CATSPERE: variants seen among roughly 807,000 people sequenced by gnomAD.
CATSPERE encodes the protein catsper channel auxiliary subunit epsilon.
A neutral mutation model predicts 114.1 loss-of-function variants in CATSPERE; 93 were observed. The observed-to-expected ratio is 0.81, with a 90% CI of 0.69 to 0.97. CATSPERE has a LOEUF of 0.97. CATSPERE is among the 50% of genes least tolerant of loss of function. The pLI, the probability that CATSPERE is intolerant of heterozygous loss-of-function variation, is 0.00. For missense variants in CATSPERE, 1,058 were observed against 1,131.6 expected (o/e 0.93, Z 0.93); for synonymous variants, 341 against 384.1 (o/e 0.89, Z 1.31).
intron 17 of CATSPERE, among the ~76,000 whole-genome samples, chr1:244,596,814 G>T (rs1668503939): frequency 6.6e-6 from 1 of 151,724 alleles, no homozygotes; most frequent in Admixed American, 6.6e-5. Context: ...ATTGTAATAG[G>T]CAGGGCTTGA....
chr1:244,615,313 T>C (rs890731222), intron 19 of CATSPERE, among the ~76,000 whole-genome samples: 1 of 151,576 alleles, frequency 6.6e-6, no homozygotes, highest in African/African-American at 2.4e-5. Flanking sequence ...ATTCTTTAAT[T>C]AAAGTTATAC....
intron 8 of CATSPERE, among the ~76,000 whole-genome samples, chr1:244,526,893 C>A (rs774546488): frequency 6.6e-5 from 10 of 151,980 alleles, no homozygotes; most frequent in African/African-American, 2.2e-4. Context: ...CAGCAGGTTC[C>A]GTGATGCCCC....
rs546435295 is a variant in CATSPERE at position 244,504,478 on chromosome 1, A to T, written c.429+5399A>T. 6.6e-6 allele frequency among the ~76,000 whole-genome samples: 1 copy of T among 152,302 alleles called. No homozygotes were observed. Among genetic ancestry groups the T allele is most frequent in the Admixed American group, 6.5e-5 (1 of 15,296 alleles). On this transcript the variant is annotated intron_variant, in intron 7 of 21. Transcript: ENST00000366534. This position sits in a 1 kb window ranked among gnomAD's most constrained non-coding sequence, Gnocchi z 4.1. ...ATTAATAGAAGTCCATATTTTATTC[A>T]CATTTCCTCAGCTAATGTTCATTTT...
In CATSPERE at chr1:244,624,679, G is replaced by C. The variant is rs573907975; in HGVS notation, c.2648+6993G>C. Among the ~76,000 whole-genome samples, 184 of 152,102 alleles carry C rather than the reference G, an allele frequency of 1.2e-3. 1 individual carries two copies. Among genetic ancestry groups the C allele is most frequent in the African/African-American group, 4.1e-3 (172 of 41,496 alleles). ...TAGCCGGGCATGGTGATGGGCGCCTGTAGTCCCAGCTACTTGGGAGGCTGA... is the reference window on the plus strand; with the variant it reads ...TAGCCGGGCATGGTGATGGGCGCCTCTAGTCCCAGCTACTTGGGAGGCTGA... On this transcript the variant is annotated intron_variant, in intron 20 of 21. Coordinates refer to ENST00000366534, the MANE Select transcript of CATSPERE (RefSeq NM_001130957.2).
intron 9 of CATSPERE, among the ~76,000 whole-genome samples, chr1:244,556,571 G>A (rs1436927914): frequency 6.6e-6 from 1 of 152,072 alleles, no homozygotes; most frequent in South Asian, 2.1e-4. Context: ...ACTGGAAGAA[G>A]TTATAACATG....
Position 244,499,026 on chromosome 1 carries a change from C to T in CATSPERE, c.376C>T (p.Pro126Ser). 1 of 1,612,652 alleles carries T rather than the reference C, an allele frequency of 6.2e-7. No homozygotes were observed. Among genetic ancestry groups the T allele is most frequent in the Non-Finnish European group, 8.5e-7 (1 of 1,178,808 alleles). The change falls in exon 7 of 22, where the codon CCA becomes TCA. Residue 126 changes from proline (P) to serine (S), a missense_variant. Physicochemically the swap from Pro to Ser is moderately conservative, Grantham distance 74. Around this residue, in one of 2 missense-constraint regions of CATSPERE, gnomAD observed 271 missense variants for 225.9 expected, o/e 1.20. Coordinates refer to ENST00000366534, the MANE Select transcript of CATSPERE (RefSeq NM_001130957.2). Reference sequence around the variant, plus strand: ...GCTTATCACTGTGTGGGCATATGATCCAGAAAGTGCAGATCCTGATGAGTT... The same window carrying T: ...GCTTATCACTGTGTGGGCATATGATTCAGAAAGTGCAGATCCTGATGAGTT... ...TQLITVWAYD[P>S]ESADPDELLG...
intron 19 of CATSPERE, among the ~76,000 whole-genome samples, chr1:244,614,504 T>C (rs945427774): frequency 2.0e-5 from 3 of 152,244 alleles, no homozygotes; most frequent in Admixed American, 1.3e-4. Flanking sequence ...GATCTCCTCC[T>C]TTGCTTTTTA....
rs376332297 is a variant in CATSPERE at position 244,474,100 on chromosome 1, C to T, written c.115-3441C>T. Among the ~76,000 whole-genome samples, 104 of 151,988 alleles carry T rather than the reference C, an allele frequency of 6.8e-4. No homozygotes were observed. In the South Asian group the frequency reaches 7.7e-3, roughly 11 times the overall value. On this transcript the variant is annotated intron_variant, in intron 2 of 21. Transcript: ENST00000366534. ...AGACTGGATTGCAATGGCGTGATCT[C>T]GACTCACTGCAACCTCCGACTCCCA...
intron 8 of CATSPERE, among the ~76,000 whole-genome samples, chr1:244,522,512 C>CA (rs1239736273): frequency 1.3e-5 from 2 of 151,876 alleles, no homozygotes; most frequent in African/African-American, 4.8e-5. Context: ...AATAGAGACA[C>CA]AAAAAACCAT....
At chr1:244,473,532 A>G (rs910246830) in intron 2 of CATSPERE, among the ~76,000 whole-genome samples, 1 of 152,054 alleles carries the variant, frequency 6.6e-6, no homozygotes, top group African/African-American at 2.4e-5. Flanking sequence ...AACTTTGCAA[A>G]TATTTTCTCC....
In CATSPERE at chr1:244,461,449, C is replaced by T; in HGVS notation, c.20C>T (p.Ala7Val). Residue 7 changes from alanine to valine, a missense_variant, in exon 1 of 22, where the codon GCC becomes GTC. Coordinates refer to ENST00000366534, the MANE Select transcript of CATSPERE (RefSeq NM_001130957.2). Reference sequence around the variant, plus strand: ...GGCGCCATGTCAGCCCGGGAAGTGGCCGTGCTGCTGCTGTGGCTGAGCTGC... The same window carrying T: ...GGCGCCATGTCAGCCCGGGAAGTGGTCGTGCTGCTGCTGTGGCTGAGCTGC... MSAREV[A>V]VLLLWLSCYG... is the part of the protein sequence containing the mutation. 7.2e-7 allele frequency: 1 copy of T among 1,386,416 alleles called. No individual in the cohort carries two copies. Among genetic ancestry groups the T allele is most frequent in the Non-Finnish European group, 9.4e-7 (1 of 1,061,520 alleles). 85.9% of individuals were successfully genotyped at this position (1,386,416 alleles called of 1,614,324 possible).
chr1:244,508,365 A>T (rs1264849974), intron 7 of CATSPERE, among the ~76,000 whole-genome samples: 6 of 146,352 alleles, frequency 4.1e-5, no homozygotes, highest in African/African-American at 1.5e-4. Context: ...CAGTGGCGCG[A>T]TCTTGGCTCA....
Position 244,518,589 on chromosome 1 carries a change from C to T in CATSPERE, c.430-3C>T. 5.9e-6 allele frequency: 9 copies of T among 1,515,840 alleles called. No individual in the cohort carries two copies. Among genetic ancestry groups the T allele is most frequent in the Non-Finnish European group, 8.2e-6 (9 of 1,094,110 alleles). 93.9% of individuals were successfully genotyped at this position (1,515,840 alleles called of 1,614,324 possible). On this transcript the variant is annotated splice_region_variant and splice_polypyrimidine_tract_variant and intron_variant, in intron 7 of 21. Transcript: ENST00000366534. The stretch of plus-strand genomic sequence containing the variant: ...AAAAATGAAATTTAATTTGTTTTTA[C>T]AGAATTCCATAGTACTCAGCACACA...
At chr1:244,561,255 A>C (rs1437466247) in intron 10 of CATSPERE, 110 bp downstream of exon 10, 4 of 746,336 alleles carry the variant, frequency 5.4e-6, no homozygotes, top group African/African-American at 3.5e-5. Flanking sequence ...TTGGCAGCCA[A>C]AGGTGCACTT....
At chr1:244,604,341 A>T (rs1669688066) in intron 17 of CATSPERE, among the ~76,000 whole-genome samples, 1 of 152,232 alleles carries the variant, frequency 6.6e-6, no homozygotes, top group South Asian at 2.1e-4. Flanking sequence ...AAAGAAAATA[A>T]CTTCTCAGGT....
chr1:244,533,245 T>C (rs1235354284), intron 8 of CATSPERE, among the ~76,000 whole-genome samples: 5 of 152,168 alleles, frequency 3.3e-5, no homozygotes, highest in Non-Finnish European at 7.4e-5. Flanking sequence ...TTTATTCATG[T>C]CTTTATAGGT....
chr1:244,477,751 A>G (rs1433310268), intron 3 of CATSPERE, 137 bp downstream of exon 3: 9 of 917,700 alleles, frequency 9.8e-6, no homozygotes, highest in Non-Finnish European at 1.5e-5. Flanking sequence ...AGACAAAATC[A>G]GGTCGAATAT....
chr1:244,517,483 T>TA (rs1676825204), intron 7 of CATSPERE, among the ~76,000 whole-genome samples: 2 of 151,942 alleles, frequency 1.3e-5, no homozygotes, highest in Non-Finnish European at 2.9e-5. Context: ...ATAAACATCA[T>TA]CAAATGGGCT....
At chr1:244,471,715 C>T (rs1432744199) in intron 2 of CATSPERE, among the ~76,000 whole-genome samples, 2 of 152,168 alleles carry the variant, frequency 1.3e-5, no homozygotes, top group African/African-American at 4.8e-5. Context: ...TATATGAGAA[C>T]TTCATTCCTT....
Sources: gnomAD v4.1 joint callset for allele counts (sites outside exome capture counted in the v4.1 genomes callset) on GRCh38, gnomAD v4.1.1 for gene constraint, gnomAD v4.1.1 regional missense constraint, Gnocchi (gnomAD v3.1) non-coding constraint, MANE v1.5 for transcripts, NCBI Gene and HGNC (gene_info 2026-07-23, HGNC 2026-07-21) for gene names.